The following CES5A variants were observed in gnomAD, a reference collection of about 807,000 sequenced individuals.
The protein encoded by CES5A is carboxylesterase 5.
CES5A carries 67 observed loss-of-function variants against 62.9 expected under a neutral mutation model. The observed-to-expected ratio is 1.07, with a 90% CI of 0.88 to 1.31. The LOEUF is 1.31. CES5A is among the 50% of genes most tolerant of loss of function. The pLI, the probability that CES5A is intolerant of heterozygous loss-of-function variation, is 0.00. For missense variants in CES5A, 748 were observed against 708.5 expected, an observed-to-expected ratio of 1.06 and a Z score of -0.63; for synonymous variants, 296 against 280.8, an observed-to-expected ratio of 1.05 and a Z score of -0.54.
chr16:55,864,458 C>T (rs2033416147), intron 5 of CES5A, among the ~76,000 whole-genome samples: 1 of 152,194 alleles, frequency 6.6e-6, no homozygotes, highest in African/African-American at 2.4e-5. Context: ...GGTGTGTTTG[C>T]TTCCAAACCT....
chr16:55,861,716 G>T (rs776464138), intron 6 of CES5A, among the ~76,000 whole-genome samples, 200 bp from the exon 7 acceptor site: 5 of 152,120 alleles, frequency 3.3e-5, no homozygotes, highest in Non-Finnish European at 5.9e-5. Context: ...TCAGTCTCTT[G>T]CCTGGCTCTC....
intron 2 of CES5A, among the ~76,000 whole-genome samples, chr16:55,938,714 G>A (rs1255320690): frequency 1.7e-5 from 2 of 119,266 alleles, no homozygotes; most frequent in Non-Finnish European, 3.3e-5. Flanking sequence ...CCAGCCTGGG[G>A]GAGAGAGTGA....
At chr16:55,950,549 C>T (rs1303883691) in intron 1 of CES5A, among the ~76,000 whole-genome samples, 1 of 151,764 alleles carries the variant, frequency 6.6e-6, no homozygotes, top group African/African-American at 2.4e-5. Flanking sequence ...CAACCAAGGA[C>T]TTTTCCCAGA....
chr16:55,881,475 T>C (rs1476771346), intron 1 of CES5A, among the ~76,000 whole-genome samples: 5 of 152,202 alleles, frequency 3.3e-5, no homozygotes, highest in African/African-American at 1.2e-4. Flanking sequence ...GAGCACATTC[T>C]CATGATGCAG....
In CES5A at chr16:55,865,851, G is replaced by A. The variant is rs9928122; in HGVS notation, c.705+112C>T. 435 of 1,190,224 alleles carry A rather than the reference G, an allele frequency of 3.7e-4. No homozygotes were observed. In the African/African-American group the frequency reaches 5.7e-3, roughly 16 times the overall value. The allele number at this position is 1,190,224 out of a possible 1,614,324, so 73.7% of individuals were successfully genotyped here. ...TTGTGAGGCTTGAAAAAGACAATGTGTATTAAAGGGTTTGTTCAACATGAA... is the reference window on the plus strand; with the variant it reads ...TTGTGAGGCTTGAAAAAGACAATGTATATTAAAGGGTTTGTTCAACATGAA... On this transcript the variant is annotated intron_variant, in intron 5 of 12. Coordinates refer to ENST00000290567, the MANE Select transcript of CES5A (RefSeq NM_001143685.2).
chr16:55,884,454 C>T lies in CES5A; in HGVS notation c.-255-10417G>A, dbSNP rs931296471. On this transcript the variant is annotated intron_variant, in intron 1 of 12. Transcript: ENST00000518005. ...CCTCCTGCCTTCTGGCACTTAAGTG[C>T]CACTACCCAGCCTCAGGATGAGTGA... 2.0e-5 allele frequency among the ~76,000 whole-genome samples: 3 copies of T among 152,350 alleles called. No individual in the cohort carries two copies. The South Asian group carries it at 6.2e-4, about 32-fold the overall frequency.
chr16:55,907,916 A>T (rs1054301858), intron 1 of CES5A, among the ~76,000 whole-genome samples: 2 of 152,146 alleles, frequency 1.3e-5, no homozygotes, highest in Admixed American at 6.5e-5. Context: ...CTCCACAGGA[A>T]ACTGCCCATC....
intron 2 of CES5A, among the ~76,000 whole-genome samples, chr16:55,934,487 A>G (rs1669492683): frequency 6.6e-6 from 1 of 152,214 alleles, no homozygotes; most frequent in South Asian, 2.1e-4. Flanking sequence ...AATGTTTCCC[A>G]CTGCATGGGG....
At chr16:55,892,395 T>A (rs1479679930) in intron 1 of CES5A, among the ~76,000 whole-genome samples, 4 of 152,158 alleles carry the variant, frequency 2.6e-5, no homozygotes, top group Non-Finnish European at 5.9e-5. Flanking sequence ...CTTGGGCACA[T>A]GTTCTCTTGA....
chr16:55,865,927 C>G (rs1373244307), intron 5 of CES5A, 36 bp downstream of exon 5: 1 of 1,613,638 alleles, frequency 6.2e-7, no homozygotes, highest in East Asian at 2.2e-5. Context: ...ACCTCCGGCA[C>G]TGAGATTCAT....
intron 1 of CES5A, among the ~76,000 whole-genome samples, chr16:55,916,327 C>T (rs1404461946): frequency 6.6e-6 from 1 of 152,206 alleles, no homozygotes; most frequent in Non-Finnish European, 1.5e-5. Flanking sequence ...ATTCAGCCTC[C>T]TCACATCCTC....
chr16:55,877,224 G>A (rs1269904593), upstream of CES5A, among the ~76,000 whole-genome samples: 1 of 152,080 alleles, frequency 6.6e-6, no homozygotes, highest in Non-Finnish European at 1.5e-5. Flanking sequence ...GTGCGGGTGG[G>A]GTGGGGAGCA....
upstream of CES5A, among the ~76,000 whole-genome samples, chr16:55,926,492 G>C (rs1359697965): frequency 6.6e-6 from 1 of 152,176 alleles, no homozygotes; most frequent in Non-Finnish European, 1.5e-5. Flanking sequence ...TGTCAGTGAA[G>C]TCATTTTTAT....
At chr16:55,922,345 G>A (rs1187164992) in intron 1 of CES5A, among the ~76,000 whole-genome samples, 1 of 151,824 alleles carries the variant, frequency 6.6e-6, no homozygotes, top group East Asian at 1.9e-4. Context: ...TGAAAGGGTG[G>A]AAAATGATAT....
chr16:55,850,835 T>A (rs1215201993), intron 10 of CES5A, among the ~76,000 whole-genome samples: 2 of 152,288 alleles, frequency 1.3e-5, no homozygotes, highest in African/African-American at 2.4e-5. Flanking sequence ...CTGTTTTATG[T>A]CCCCAGCAGC....
At chr16:55,927,652 C>T (rs1394163474), upstream of CES5A, among the ~76,000 whole-genome samples, 2 of 152,120 alleles carry the variant, frequency 1.3e-5, no homozygotes, top group African/African-American at 2.4e-5. Flanking sequence ...AAAGGGGATG[C>T]TTATACATTG....
At chr16:55,866,231 C>T in intron 4 of CES5A, 115 bp from the exon 5 acceptor site, 5 of 939,328 alleles carry the variant, frequency 5.3e-6, no homozygotes, top group Non-Finnish European at 7.7e-6. Flanking sequence ...GGCGGAGAGT[C>T]AGAGGCCTGG....
chr16:55,945,324 A>G (rs115892549), intron 2 of CES5A, among the ~76,000 whole-genome samples: 2,946 of 152,330 alleles, frequency 0.019, 102 homozygotes, highest in African/African-American at 0.068. Context: ...AGCAATTTGC[A>G]CAAGGTTGTT....
intron 1 of CES5A, among the ~76,000 whole-genome samples, chr16:55,904,827 C>G (rs999733062): frequency 6.5e-4 from 99 of 152,266 alleles, no homozygotes; most frequent in African/African-American, 2.3e-3. Flanking sequence ...CCCCTTACCA[C>G]AAGCCAGGGG....
Sources: allele counts gnomAD v4.1 joint callset (sites outside exome capture counted in the v4.1 genomes callset), GRCh38; gene constraint gnomAD v4.1.1; transcripts MANE v1.5; gene names NCBI Gene and HGNC (gene_info 2026-07-23, HGNC 2026-07-21).